LRRC36: variants seen among roughly 807,000 people sequenced by gnomAD.
The protein encoded by LRRC36 is leucine rich repeat containing 36.
In LRRC36, 62 loss-of-function variants were observed where a neutral mutation model predicts 81.1. That is an observed-to-expected ratio of 0.76 (90% CI 0.62 to 0.94). LRRC36 has a LOEUF of 0.94. Among genes scored for constraint, LRRC36 ranks in the 40% least tolerant of loss-of-function variants. The probability of loss-of-function intolerance (pLI) is 0.00; values close to 1 mark genes in which losing one functional copy is unlikely to be tolerated. For missense variants in LRRC36, 761 were observed against 881.7 expected, an observed-to-expected ratio of 0.86 and a Z score of 1.73; for synonymous variants, 334 against 348.6, an observed-to-expected ratio of 0.96 and a Z score of 0.47.
At chr16:67,328,227 T>C (rs1425028611) in intron 1 of LRRC36, among the ~76,000 whole-genome samples, 3 of 152,012 alleles carry the variant, frequency 2.0e-5, no homozygotes, top group Non-Finnish European at 4.4e-5. Context: ...AATTGTACAG[T>C]GAGGGCCAGG....
chr16:67,371,143 G>A lies in LRRC36; in HGVS notation c.1395G>A (p.Lys465=). The A allele has an allele frequency of 6.2e-7, 1 of 1,614,224 alleles. No individual in the cohort carries two copies. The highest frequency in any genetic ancestry group is 8.5e-7 in the Non-Finnish European group (1 of 1,180,030). The change falls in exon 9 of 14, where the codon AAG becomes AAA. Residue 465 remains lysine, a synonymous_variant. Transcript: ENST00000329956. The stretch of plus-strand genomic sequence containing the variant: ...CAGAACACAGAAAGATTTTTACCAA[G>A]AGGTCACTAAGCCCATCGAAGAGAG... ...GTSEHRKIFT[K]RSLSPSKRGF...
rs2142188444 is a variant in LRRC36, at chr16:67,382,115, C to G, written c.1931-18C>G. 6.6e-7 allele frequency: 1 copy of G among 1,514,950 alleles called. No homozygotes were observed. The highest frequency in any genetic ancestry group is 9.2e-7 in the Non-Finnish European group (1 of 1,090,382). The allele number at this position is 1,514,950 out of a possible 1,614,324, so 93.8% of individuals were successfully genotyped here. A position where few individuals can be genotyped will look rare whatever the true frequency, so the allele number is the denominator to read the frequency against. ...AGCTTGGAATCCTTTTCACCCCTGG[C>G]TACTGTGCCCTTTGTAGATGATCTT... On this transcript the variant is annotated intron_variant, in intron 12 of 13. Coordinates refer to ENST00000329956, the MANE Select transcript of LRRC36 (RefSeq NM_018296.6).
chr16:67,357,985 A>G (rs1163592270), intron 5 of LRRC36, among the ~76,000 whole-genome samples: 1 of 152,222 alleles, frequency 6.6e-6, no homozygotes, highest in African/African-American at 2.4e-5. Flanking sequence ...CCTGGGCTGG[A>G]CAACAGGTCA....
chr16:67,337,878 G>C (rs1196880755), intron 1 of LRRC36, among the ~76,000 whole-genome samples: 1 of 151,886 alleles, frequency 6.6e-6, no homozygotes, highest in African/African-American at 2.4e-5. Flanking sequence ...CTGAGGTCGG[G>C]AGTTTGAGAC....
At chr16:67,335,813 G>A (rs2037733272) in intron 1 of LRRC36, among the ~76,000 whole-genome samples, 1 of 151,498 alleles carries the variant, frequency 6.6e-6, no homozygotes. Context: ...GCTCACGGCA[G>A]CCTCCACCTC....
intron 9 of LRRC36, among the ~76,000 whole-genome samples, chr16:67,374,615 C>T (rs1306143469): frequency 6.6e-6 from 1 of 151,814 alleles, no homozygotes. Context: ...AGGCTGGTCT[C>T]GAGCTCCTGA....
rs773510982 is a variant in LRRC36, at chr16:67,347,533, A to G, written c.430A>G (p.Lys144Glu). ...ACGTGAAGGTGAGAGAAAAGCTGCC[A>G]AGCTGCATTTTAGTCAGTTGGGCAA... ...TVREGERKAA[K>E]LHFSQLGNSE... Residue 144 changes from lysine (K) to glutamate (E), a missense_variant, in exon 4 of 14, where the codon AAG becomes GAG. This residue lies in a region of LRRC36 where 263 missense variants were observed against 279.3 expected (regional missense o/e 0.94). Coordinates refer to ENST00000329956, the MANE Select transcript of LRRC36 (RefSeq NM_018296.6). The G allele has an allele frequency of 1.2e-6, 2 of 1,613,302 alleles. No individual in the cohort carries two copies. The highest frequency in any genetic ancestry group is 1.1e-5 in the South Asian group (1 of 91,088).
chr16:67,366,015 A>G (rs1053543821), intron 7 of LRRC36, among the ~76,000 whole-genome samples: 1 of 152,140 alleles, frequency 6.6e-6, no homozygotes, highest in Non-Finnish European at 1.5e-5. Context: ...TAGGTCTATT[A>G]GTGATGAGCT....
In LRRC36 at chr16:67,326,875, T is replaced by G. The variant is rs566896949; in HGVS notation, c.13T>G (p.Trp5Gly). ...GCGGCGGGCGGGGATGGCGGAGCAA[T>G]GGGAGCTGGACGAGGAAGGCATTCG... MAEQWELDEEGIRRL... is the reference protein window; with the variant it reads MAEQGELDEEGIRRL... The change falls in exon 1 of 14, where the codon TGG (tryptophan) becomes GGG (glycine). Residue 5 changes from tryptophan to glycine, a missense_variant. Trp to Gly is a radical substitution (Grantham distance 184). Around this residue, in one of 3 missense-constraint regions of LRRC36, gnomAD observed 263 missense variants for 279.3 expected, o/e 0.94. Transcript: ENST00000329956. 1 of 1,441,496 alleles carries G rather than the reference T, an allele frequency of 6.9e-7. No individual in the cohort carries two copies. The highest frequency in any genetic ancestry group is 3.0e-5 in the East Asian group (1 of 33,298). The allele number at this position is 1,441,496 out of a possible 1,614,324, so 89.3% of individuals were successfully genotyped here.
chr16:67,375,842 C>A (rs773836658), intron 10 of LRRC36, among the ~76,000 whole-genome samples: 2 of 152,110 alleles, frequency 1.3e-5, no homozygotes, highest in Non-Finnish European at 2.9e-5. Context: ...GAGTAAATGA[C>A]CTGGACTCCC....
chr16:67,339,083 C>T (rs536847675), intron 1 of LRRC36, among the ~76,000 whole-genome samples: 17 of 149,832 alleles, frequency 1.1e-4, no homozygotes, highest in African/African-American at 1.7e-4. Context: ...TTGGTAGAGA[C>T]GTGGTTTCAC....
In LRRC36 at chr16:67,382,235, A is replaced by C. The variant is rs748733314; in HGVS notation, c.2033A>C (p.His678Pro). Residue 678 changes from histidine (H) to proline (P), a missense_variant, in exon 13 of 14, where the codon CAT becomes CCT. Physicochemically the swap from His to Pro is moderately conservative, Grantham distance 77 (BLOSUM62 -2). Around this residue, in one of 3 missense-constraint regions of LRRC36, gnomAD observed 359 missense variants for 388.4 expected, o/e 0.92. Coordinates refer to ENST00000329956, the MANE Select transcript of LRRC36 (RefSeq NM_018296.6). ...CTGGAGAAGACAGTTGCCATTCTCC[A>C]TGAAAGTCAGAGGTAGGAGAGGGTC... ...KKLEKTVAIL[H>P]ESQRSLVVTN... The C allele has an allele frequency of 1.9e-6, 3 of 1,613,820 alleles. No homozygotes were observed. Among genetic ancestry groups the C allele is most frequent in the Non-Finnish European group, 2.5e-6 (3 of 1,179,762 alleles).
At chr16:67,364,136 C>T (rs1241940533) in intron 6 of LRRC36, among the ~76,000 whole-genome samples, 1 of 152,180 alleles carries the variant, frequency 6.6e-6, no homozygotes, top group Non-Finnish European at 1.5e-5. Context: ...TTTCCCAAAG[C>T]TGCCTCTGCA....
intron 5 of LRRC36, among the ~76,000 whole-genome samples, chr16:67,354,434 C>G (rs193277985): frequency 6.6e-6 from 1 of 151,954 alleles, no homozygotes; most frequent in Non-Finnish European, 1.5e-5. Context: ...TGTACCACCA[C>G]GCCTGGTTAA....
intron 5 of LRRC36, among the ~76,000 whole-genome samples, chr16:67,361,247 G>T (rs1487288456): frequency 1.3e-5 from 2 of 152,074 alleles, no homozygotes; most frequent in Non-Finnish European, 2.9e-5. Context: ...GCCCAGGCTG[G>T]TGTTGAACTC....
intron 12 of LRRC36, among the ~76,000 whole-genome samples, chr16:67,381,549 C>T (rs1007447956): frequency 6.6e-6 from 1 of 152,154 alleles, no homozygotes; most frequent in African/African-American, 2.4e-5. Flanking sequence ...CTCATTGAAT[C>T]CTCATAACAG....
At chr16:67,362,354 G>T in intron 5 of LRRC36, 1 of 323,394 alleles carries the variant, frequency 3.1e-6, no homozygotes, top group South Asian at 2.3e-5. Context: ...GTAGAGACGG[G>T]ATTTCACCAG....
rs1324118384 is a variant in LRRC36 at position 67,363,581 on chromosome 16, T to C, written c.578-9T>C. ...AGTGCTTTATTGTTTGCTTTTTCTT[T>C]TAACACAGACTCAAACAAAGGACTT... On this transcript the variant is annotated splice_polypyrimidine_tract_variant and intron_variant, in intron 5 of 13. Transcript: ENST00000329956. The C allele has an allele frequency of 6.2e-7, 1 of 1,613,438 alleles. No homozygotes were observed. Among genetic ancestry groups the C allele is most frequent in the Admixed American group, 1.7e-5 (1 of 59,990 alleles).
chr16:67,359,698 GA>G (rs1411014692), intron 5 of LRRC36, among the ~76,000 whole-genome samples: 2 of 152,192 alleles, frequency 1.3e-5, no homozygotes, highest in Non-Finnish European at 2.9e-5. Context: ...TGGTAATTGA[GA>G]TTTCAGATGA....
Sources: allele counts gnomAD v4.1 joint callset (sites outside exome capture counted in the v4.1 genomes callset), GRCh38; gene constraint gnomAD v4.1.1; regional missense constraint gnomAD v4.1.1; transcripts MANE v1.5; gene names NCBI Gene and HGNC (gene_info 2026-07-23, HGNC 2026-07-21).